PCTP: variants seen among roughly 807,000 people sequenced by gnomAD.
PCTP encodes phosphatidylcholine transfer protein.
In PCTP, 27 loss-of-function variants were observed where a neutral mutation model predicts 31.0. That is an observed-to-expected ratio of 0.87 (90% CI 0.64 to 1.20). The LOEUF is 1.20. PCTP is among the 50% of genes most tolerant of loss of function. The pLI, the probability that PCTP is intolerant of heterozygous loss-of-function variation, is 0.00. For missense variants in PCTP, 287 were observed against 268.2 expected, an observed-to-expected ratio of 1.07 and a Z score of -0.49; for synonymous variants, 108 against 101.2, an observed-to-expected ratio of 1.07 and a Z score of -0.40.
At chr17:55,852,143 T>C in the PCTP span, among the ~76,000 whole-genome samples, 3 of 152,230 alleles carry the variant, frequency 2.0e-5, no homozygotes, top group African/African-American at 7.2e-5. Flanking sequence ...TTAAGTGTTA[T>C]ATACTATTCT....
chr17:55,786,498 A>T (rs1911752326), intron 2 of PCTP, among the ~76,000 whole-genome samples: 1 of 152,226 alleles, frequency 6.6e-6, no homozygotes, highest in Admixed American at 6.5e-5. Context: ...TTAAAGTATA[A>T]TTAAAAAAAA....
rs1419725532 is a variant in PCTP, at chr17:55,777,369, T to G, written c.*1269T>G. The G allele has an allele frequency of 1.0e-6, 1 of 984,556 alleles. No individual in the cohort carries two copies. The highest frequency in any genetic ancestry group is 1.2e-6 in the Non-Finnish European group (1 of 829,150). 61.0% of individuals were successfully genotyped at this position (984,556 alleles called of 1,614,324 possible). ...TCTATAATGAATAAATATAGAGTGG[T>G]TTTTACTTGTCCTGTGTACCACTTC... On this transcript the variant is annotated 3_prime_UTR_variant, in exon 6 of 6. Coordinates refer to ENST00000268896, the MANE Select transcript of PCTP (RefSeq NM_021213.4).
chr17:55,821,234 A>G (rs577913263), intron 3 of PCTP, among the ~76,000 whole-genome samples: 36 of 152,362 alleles, frequency 2.4e-4, no homozygotes, highest in African/African-American at 7.9e-4. Context: ...ATGGTACAAC[A>G]TGGAGGAACT....
chr17:55,764,328 A>C (rs1200517099), intron 1 of PCTP, among the ~76,000 whole-genome samples: 3 of 152,190 alleles, frequency 2.0e-5, no homozygotes, highest in Non-Finnish European at 4.4e-5. Context: ...CCTATGATGA[A>C]AACAAGTGTG....
chr17:55,849,817 CA>C, the PCTP span, among the ~76,000 whole-genome samples: 4 of 151,910 alleles, frequency 2.6e-5, no homozygotes, highest in Middle Eastern at 0.01. Context: ...TTCAAAAATT[CA>C]AAAAATTTTA....
intron 3 of PCTP, among the ~76,000 whole-genome samples, chr17:55,809,341 T>C (rs1016806627): frequency 6.6e-6 from 1 of 152,190 alleles, no homozygotes; most frequent in Non-Finnish European, 1.5e-5. Flanking sequence ...TCTCTCTGTA[T>C]ACTATACCCC....
At chr17:55,796,511 A>G (rs1292394336) in intron 3 of PCTP, among the ~76,000 whole-genome samples, 2 of 152,052 alleles carry the variant, frequency 1.3e-5, no homozygotes, top group Non-Finnish European at 2.9e-5. Context: ...GATGCCTACC[A>G]TGAGTGTAAG....
At chr17:55,802,853 G>A (rs1912434242) in intron 3 of PCTP, among the ~76,000 whole-genome samples, 1 of 152,152 alleles carries the variant, frequency 6.6e-6, no homozygotes, top group African/African-American at 2.4e-5. Context: ...CATAGTATTG[G>A]AAGTTCTGAC....
chr17:55,846,053 G>A (rs1598028331), downstream of PCTP, among the ~76,000 whole-genome samples: 1 of 151,934 alleles, frequency 6.6e-6, no homozygotes, highest in Admixed American at 6.6e-5. Context: ...TCTGTCAAAC[G>A]AGGCATTAAG....
chr17:55,767,467 C>A lies in PCTP; in HGVS notation c.259+15C>A. 2 of 1,406,816 alleles carry A rather than the reference C, an allele frequency of 1.4e-6. No homozygotes were observed. The highest frequency in any genetic ancestry group is 2.5e-5 in the East Asian group (1 of 39,720). The allele number at this position is 1,406,816 out of a possible 1,614,324, so 87.1% of individuals were successfully genotyped here. ...GTATGTTAAAGGTGAGTGATGCTTG[C>A]TTTTCTTTTTTTTTTAGACGTACTT... On this transcript the variant is annotated intron_variant, in intron 2 of 5. Transcript: ENST00000268896.
At chr17:55,775,986 G>T in intron 5 of PCTP, 49 bp from the exon 6 acceptor site, 2 of 1,608,600 alleles carry the variant, frequency 1.2e-6, no homozygotes, top group Non-Finnish European at 1.7e-6. Context: ...AAAGAATCAA[G>T]AGTGACCACT....
intron 1 of PCTP, among the ~76,000 whole-genome samples, chr17:55,766,517 T>C (rs1285880806): frequency 2.7e-5 from 4 of 150,550 alleles, no homozygotes; most frequent in African/African-American, 9.8e-5. Context: ...TGGTGTTTGG[T>C]TTTTTGTTCT....
chr17:55,788,595 A>C (rs1252172584), intron 3 of PCTP, among the ~76,000 whole-genome samples: 1 of 152,172 alleles, frequency 6.6e-6, no homozygotes, highest in Non-Finnish European at 1.5e-5. Flanking sequence ...GTATAGACTT[A>C]TTATACTTAT....
intron 3 of PCTP, among the ~76,000 whole-genome samples, chr17:55,798,924 AG>A (rs1198497542): frequency 6.6e-6 from 1 of 151,968 alleles, no homozygotes; most frequent in African/African-American, 2.4e-5. Flanking sequence ...CTAGCATAAA[AG>A]ACAGCAAGGG....
In PCTP at chr17:55,805,694, A is replaced by C. The variant is rs188842331; in HGVS notation, c.318-17067A>C. ...GAAGACAAAACACACATTTAGTAAG[A>C]ATACAGATCTACACAATACCATTTA... On this transcript the variant is annotated intron_variant, in intron 3 of 3. Transcript: ENST00000572536. Among the ~76,000 whole-genome samples the C allele has an allele frequency of 1.1e-3, 116 of 106,966 alleles. No individual in the cohort carries two copies. In the East Asian group the frequency reaches 0.018, roughly 17 times the overall value. 70.2% of individuals were successfully genotyped at this position (106,966 alleles called of 152,430 possible). A position where few individuals can be genotyped will look rare whatever the true frequency, so the allele number is the denominator to read the frequency against.
At chr17:55,752,982 A>G (rs375310658) in intron 1 of PCTP, among the ~76,000 whole-genome samples, 1 of 152,210 alleles carries the variant, frequency 6.6e-6, no homozygotes, top group Admixed American at 6.5e-5. Context: ...GGGCTCAAGC[A>G]GTCCTCCTGC....
intron 3 of PCTP, among the ~76,000 whole-genome samples, chr17:55,790,429 T>G (rs1242386978): frequency 6.6e-6 from 1 of 151,764 alleles, no homozygotes; most frequent in African/African-American, 2.4e-5. Context: ...CAAAATCTCC[T>G]TAAGCTGATA....
intron 3 of PCTP, among the ~76,000 whole-genome samples, chr17:55,808,287 C>T (rs1037135891): frequency 6.6e-6 from 1 of 152,194 alleles, no homozygotes; most frequent in African/African-American, 2.4e-5. Context: ...ATGGTTGACG[C>T]ACCTCACCTC....
chr17:55,828,312 C>T (rs545271107), intron 5 of PCTP, among the ~76,000 whole-genome samples: 3 of 152,272 alleles, frequency 2.0e-5, no homozygotes, highest in Non-Finnish European at 4.4e-5. Flanking sequence ...CATCTGAAAC[C>T]GAGGTGTCAG....
Sources: gnomAD v4.1 joint callset for allele counts (sites outside exome capture counted in the v4.1 genomes callset) on GRCh38, gnomAD v4.1.1 for gene constraint, MANE v1.5 for transcripts, NCBI Gene and HGNC (gene_info 2026-07-23, HGNC 2026-07-21) for gene names.